WDR88: variants seen among roughly 807,000 people sequenced by gnomAD.
WDR88 encodes WD repeat domain 88.
WDR88 carries 40 observed loss-of-function variants against 46.8 expected under a neutral mutation model. The observed-to-expected ratio is 0.86, with a 90% confidence interval of 0.66 to 1.11. The LOEUF (loss-of-function observed/expected upper bound fraction) is 1.11, where lower values mean the gene tolerates loss of function less well. WDR88 is among the 50% of genes most tolerant of loss of function. The pLI, the probability that WDR88 is intolerant of heterozygous loss-of-function variation, is 0.00. For missense variants in WDR88, 562 were observed against 602.4 expected (o/e 0.93, Z 0.70); for synonymous variants, 235 against 240.7 (o/e 0.98, Z 0.22).
At chr19:33,143,510 G>T (rs1275328341) in intron 2 of WDR88, among the ~76,000 whole-genome samples, 1 of 151,466 alleles carries the variant, frequency 6.6e-6, no homozygotes, top group African/African-American at 2.4e-5. Context: ...CAGGCGTGGT[G>T]GCGTGTGCCT....
At chr19:33,174,514 G>A (rs2145431300) in intron 10 of WDR88, 1 of 985,240 alleles carries the variant, frequency 1.0e-6, no homozygotes, top group South Asian at 4.7e-5. Context: ...AGACGTGATG[G>A]GTGAGCTGTG....
intron 1 of WDR88, among the ~76,000 whole-genome samples, chr19:33,135,606 C>G (rs560631259): frequency 6.6e-6 from 1 of 152,162 alleles, no homozygotes; most frequent in African/African-American, 2.4e-5. Flanking sequence ...TTAGTAGAGA[C>G]GGGGTTTCAC....
At chr19:33,169,369 A>G (rs1974000598) in intron 9 of WDR88, among the ~76,000 whole-genome samples, 1 of 152,228 alleles carries the variant, frequency 6.6e-6, no homozygotes, top group Admixed American at 6.5e-5. Context: ...TGCAGAATAC[A>G]TAAAGAACTT....
intron 7 of WDR88, among the ~76,000 whole-genome samples, chr19:33,157,644 T>C (rs1973771602): frequency 7.8e-6 from 1 of 128,286 alleles, no homozygotes; most frequent in African/African-American, 3.2e-5. Context: ...TATATATGTG[T>C]GTGTGTATGT....
At chr19:33,174,863 G>A (rs1011228914) in intron 10 of WDR88, 1 of 984,712 alleles carries the variant, frequency 1.0e-6, no homozygotes, top group Admixed American at 6.2e-5. Context: ...ACATGAGCTG[G>A]CAGGACCTGC....
At chr19:33,149,633 C>T (rs936593999) in intron 5 of WDR88, among the ~76,000 whole-genome samples, 1 of 151,968 alleles carries the variant, frequency 6.6e-6, no homozygotes, top group Non-Finnish European at 1.5e-5. Flanking sequence ...ATAGGAGAAG[C>T]CCCCTCACCC....
At chr19:33,140,206 G>A (rs1312869193) in intron 2 of WDR88, among the ~76,000 whole-genome samples, 1 of 152,184 alleles carries the variant, frequency 6.6e-6, no homozygotes, top group African/African-American at 2.4e-5. Flanking sequence ...CCAGGCTGGA[G>A]TGCAGTGGTG....
At chr19:33,173,433 C>T (rs1171657001) in intron 10 of WDR88, among the ~76,000 whole-genome samples, 1 of 152,262 alleles carries the variant, frequency 6.6e-6, no homozygotes, top group African/African-American at 2.4e-5. Context: ...GCCACAGAGG[C>T]TGTCCCTGGG....
At chr19:33,158,803 G>A (rs1450980198) in intron 7 of WDR88, among the ~76,000 whole-genome samples, 3 of 152,264 alleles carry the variant, frequency 2.0e-5, no homozygotes, top group Admixed American at 6.5e-5. Context: ...GGGTTCAAGC[G>A]ATTCTCCTGC....
intron 7 of WDR88, among the ~76,000 whole-genome samples, chr19:33,157,759 C>A (rs1488169223): frequency 7.4e-6 from 1 of 134,280 alleles, no homozygotes; most frequent in African/African-American, 2.8e-5. Context: ...GTAAAGAGGA[C>A]CTTTAGTGGT....
intron 10 of WDR88, chr19:33,174,483 TCTTG>T (rs1259282877): frequency 4.1e-6 from 4 of 985,342 alleles, no homozygotes; most frequent in Non-Finnish European, 4.8e-6. Flanking sequence ...CCCATGGCAC[TCTTG>T]CTTGTTAGTG....
chr19:33,151,659 C>T (rs1469147084), intron 6 of WDR88, among the ~76,000 whole-genome samples: 1 of 152,114 alleles, frequency 6.6e-6, no homozygotes, highest in Admixed American at 6.6e-5. Flanking sequence ...GTGGGAGGAT[C>T]ACTTCAGGCC....
chr19:33,171,638 G>A (rs1392541760), intron 9 of WDR88, among the ~76,000 whole-genome samples: 3 of 152,060 alleles, frequency 2.0e-5, no homozygotes, highest in Non-Finnish European at 4.4e-5. Context: ...CTAAAATCTA[G>A]GTATCAACAG....
chr19:33,151,770 C>T (rs1410855504), intron 6 of WDR88, among the ~76,000 whole-genome samples: 1 of 152,038 alleles, frequency 6.6e-6, no homozygotes, highest in Non-Finnish European at 1.5e-5. Context: ...GTCCCAGCTA[C>T]TCAGGAGGCT....
intron 7 of WDR88, among the ~76,000 whole-genome samples, chr19:33,157,647 GTGTA>G (rs1395293803): frequency 7.6e-6 from 1 of 131,818 alleles, no homozygotes; most frequent in Non-Finnish European, 1.6e-5. Flanking sequence ...ATATGTGTGT[GTGTA>G]TGTATATATG....
At chr19:33,161,181 C>T (rs1973859870) in intron 8 of WDR88, among the ~76,000 whole-genome samples, 1 of 151,892 alleles carries the variant, frequency 6.6e-6, no homozygotes, top group Non-Finnish European at 1.5e-5. Context: ...TCTAACAAAA[C>T]AAAACAAAAC....
chr19:33,163,860 C>T (rs1422755867), intron 8 of WDR88, among the ~76,000 whole-genome samples: 2 of 152,132 alleles, frequency 1.3e-5, no homozygotes, highest in African/African-American at 4.8e-5. Flanking sequence ...TCTCAAACTC[C>T]TAGACTCAAG....
At chr19:33,156,811 G>A (rs1973744589) in intron 7 of WDR88, among the ~76,000 whole-genome samples, 1 of 152,204 alleles carries the variant, frequency 6.6e-6, no homozygotes, top group African/African-American at 2.4e-5. Context: ...TTCAGGCATG[G>A]ATGGGACAAG....
intron 9 of WDR88, among the ~76,000 whole-genome samples, chr19:33,164,954 G>A (rs1482349108): frequency 6.6e-6 from 1 of 151,770 alleles, no homozygotes; most frequent in Admixed American, 6.6e-5. Context: ...TTGTTTTCCT[G>A]CAACTAGATG....
Sources: allele counts gnomAD v4.1 joint callset (sites outside exome capture counted in the v4.1 genomes callset), GRCh38; gene constraint gnomAD v4.1.1; transcripts MANE v1.5; gene names NCBI Gene and HGNC (gene_info 2026-07-23, HGNC 2026-07-21).